The following SRPK2 variants were observed in gnomAD, a reference collection of about 807,000 sequenced individuals.
SRPK2 encodes SFRS protein kinase 2.
Under a neutral mutation model 90.8 loss-of-function variants are expected in SRPK2, and 21 were observed. The ratio of observed to expected loss-of-function variants is 0.23; its 90% CI spans 0.16 to 0.33. SRPK2 has a LOEUF of 0.33. Among genes scored for constraint, SRPK2 ranks in the 10% least tolerant of loss-of-function variants. SRPK2 has a pLI of 1.00. For missense variants in SRPK2, 620 were observed against 869.0 expected, an observed-to-expected ratio of 0.71 and a Z score of 3.60; for synonymous variants, 288 against 311.1, an observed-to-expected ratio of 0.93 and a Z score of 0.78.
In SRPK2 at chr7:105,175,135, G is replaced by T. The variant is rs905435537; in HGVS notation, c.230-5870C>A. Among the ~76,000 whole-genome samples, 13 of 146,294 alleles carry T rather than the reference G, an allele frequency of 8.9e-5. No individual in the cohort carries two copies. The South Asian group carries it at 1.9e-3, about 22-fold the overall frequency. Reference sequence around the variant, plus strand: ...AGCCTGGGCCACAGAGTTAAACTCCGTTTCAAAAAAAAAAAAAGAAAGAAA... The same window carrying T: ...AGCCTGGGCCACAGAGTTAAACTCCTTTTCAAAAAAAAAAAAAGAAAGAAA... On this transcript the variant is annotated intron_variant, in intron 3 of 15. Coordinates refer to ENST00000393651, the MANE Select transcript of SRPK2 (RefSeq NM_182692.3).
chr7:105,392,009 AT>A (rs1184360876), upstream of SRPK2, among the ~76,000 whole-genome samples: 1 of 152,180 alleles, frequency 6.6e-6, no homozygotes, highest in African/African-American at 2.4e-5. Context: ...ACACTGGAAT[AT>A]TTTTTTGGCC....
chr7:105,193,307 C>CT (rs1185965386), intron 3 of SRPK2, among the ~76,000 whole-genome samples: 1 of 151,954 alleles, frequency 6.6e-6, no homozygotes, highest in Non-Finnish European at 1.5e-5. Flanking sequence ...TGTCTGTTCC[C>CT]TTTTTTGTTT....
At chr7:105,295,716 T>C (rs1239482201) in intron 2 of SRPK2, among the ~76,000 whole-genome samples, 1 of 152,204 alleles carries the variant, frequency 6.6e-6, no homozygotes, top group Admixed American at 6.5e-5. Flanking sequence ...AATATGAATG[T>C]ACTTAATGCA....
At chr7:105,338,132 A>C (rs1262221344) in intron 2 of SRPK2, among the ~76,000 whole-genome samples, 1 of 152,130 alleles carries the variant, frequency 6.6e-6, no homozygotes, top group Non-Finnish European at 1.5e-5. Flanking sequence ...AACCCTGAAA[A>C]TAAAATGTTT....
At chr7:105,151,495 C>T (rs1265930306) in intron 7 of SRPK2, among the ~76,000 whole-genome samples, 1 of 152,240 alleles carries the variant, frequency 6.6e-6, no homozygotes, top group Non-Finnish European at 1.5e-5. Context: ...AAGACTTGTA[C>T]TGATATTGAC....
At chr7:105,233,604 A>G (rs374856023) in intron 2 of SRPK2, among the ~76,000 whole-genome samples, 38 of 152,344 alleles carry the variant, frequency 2.5e-4, no homozygotes, top group African/African-American at 8.7e-4. Flanking sequence ...TGTTATCCCC[A>G]GCACTTTGGT....
intron 2 of SRPK2, among the ~76,000 whole-genome samples, chr7:105,262,955 A>G (rs1024144285): frequency 6.6e-5 from 10 of 152,352 alleles, no homozygotes; most frequent in African/African-American, 2.4e-4. Context: ...AATACCCACT[A>G]AAACTCAGCA....
chr7:105,300,889 GA>G (rs550919211), intron 2 of SRPK2, among the ~76,000 whole-genome samples: 2 of 152,198 alleles, frequency 1.3e-5, no homozygotes, highest in East Asian at 3.9e-4. Flanking sequence ...AGGATGTGGA[GA>G]AAACAGGAAC....
At chr7:105,344,407 CTTTTT>C (rs1178845367) in intron 2 of SRPK2, among the ~76,000 whole-genome samples, 12 of 58,452 alleles carry the variant, frequency 2.1e-4, no homozygotes, top group African/African-American at 6.7e-4. Context: ...GCAGCCACAC[CTTTTT>C]TTTTTTTTTT....
Position 105,297,447 on chromosome 7 carries a change from A to G in SRPK2, c.71+91201T>C, listed in dbSNP as rs1809968111. The G allele has an allele frequency of 1.5e-5, 15 of 985,196 alleles. No individual in the cohort carries two copies. The South Asian group carries it at 5.2e-4, about 34-fold the overall frequency. The allele number at this position is 985,196 out of a possible 1,614,324, so 61.0% of individuals were successfully genotyped here. ...TTATTGAACATTTGCATATTTTTCA[A>G]AACACATTGGCTTTCCCTGATATGG... On this transcript the variant is annotated intron_variant, in intron 2 of 15. Coordinates refer to ENST00000393651, the MANE Select transcript of SRPK2 (RefSeq NM_182692.3).
At chr7:105,180,649 T>C (rs1484202836) in intron 3 of SRPK2, among the ~76,000 whole-genome samples, 2 of 152,110 alleles carry the variant, frequency 1.3e-5, no homozygotes, top group Non-Finnish European at 2.9e-5. Flanking sequence ...TCCCAGCTAC[T>C]GGGGAGGCTG....
At chr7:105,365,962 C>T (rs1212965969) in intron 2 of SRPK2, among the ~76,000 whole-genome samples, 1 of 151,630 alleles carries the variant, frequency 6.6e-6, no homozygotes, top group African/African-American at 2.4e-5. Flanking sequence ...TCAAGTGATT[C>T]TCCTGCCTCA....
intron 2 of SRPK2, among the ~76,000 whole-genome samples, chr7:105,296,344 G>C (rs1372587367): frequency 2.0e-5 from 3 of 152,008 alleles, no homozygotes; most frequent in Non-Finnish European, 2.9e-5. Flanking sequence ...TCTGAATCTT[G>C]GCCTTCCTAG....
chr7:105,176,585 A>ATG (rs1372388758), intron 3 of SRPK2, among the ~76,000 whole-genome samples: 420 of 30,754 alleles, frequency 0.014, 2 homozygotes, highest in African/African-American at 0.032. Context: ...GTGTGTATGT[A>ATG]TATATGTGTG....
chr7:105,315,604 T>A (rs1812220449), intron 2 of SRPK2, among the ~76,000 whole-genome samples: 1 of 152,216 alleles, frequency 6.6e-6, no homozygotes, highest in African/African-American at 2.4e-5. Context: ...TTGGCTTTTA[T>A]GCTTCAAATA....
intron 2 of SRPK2, among the ~76,000 whole-genome samples, chr7:105,325,354 T>C (rs965823699): frequency 2.0e-5 from 3 of 152,118 alleles, no homozygotes; most frequent in African/African-American, 7.2e-5. Flanking sequence ...AGAGCTGGTA[T>C]GTATGGCTAA....
At chr7:105,297,306 A>G in intron 2 of SRPK2, 1 of 238,960 alleles carries the variant, frequency 4.2e-6, no homozygotes, top group Non-Finnish European at 6.8e-6. Context: ...AAATACACTG[A>G]ATGAAGTGAC....
chr7:105,302,172 G>A, intron 2 of SRPK2: 1 of 938,488 alleles, frequency 1.1e-6, no homozygotes. Context: ...CTGGTATTGA[G>A]GTGGCTTTTT....
intron 2 of SRPK2, among the ~76,000 whole-genome samples, chr7:105,381,076 A>G (rs1389880749): frequency 6.6e-6 from 1 of 151,494 alleles, no homozygotes; most frequent in Non-Finnish European, 1.5e-5. Flanking sequence ...ACCAGGCTCT[A>G]CTAAAAATAC....
Sources: gnomAD v4.1 joint callset for allele counts (sites outside exome capture counted in the v4.1 genomes callset) on GRCh38, gnomAD v4.1.1 for gene constraint, MANE v1.5 for transcripts, NCBI Gene and HGNC (gene_info 2026-07-23, HGNC 2026-07-21) for gene names.